NRG3: variants seen among roughly 807,000 people sequenced by gnomAD.
The protein encoded by NRG3 is neuregulin 3, also known as pro-neuregulin-3, membrane-bound isoform.
In NRG3, 31 loss-of-function variants were observed where a neutral mutation model predicts 66.9. The observed-to-expected ratio is 0.46, with a 90% CI of 0.35 to 0.63. The LOEUF is 0.63. NRG3 is among the 20% of genes least tolerant of loss of function. The probability of loss-of-function intolerance (pLI) is 0.00; values close to 1 mark genes in which losing one functional copy is unlikely to be tolerated. For missense variants in NRG3, 910 were observed against 878.9 expected, an observed-to-expected ratio of 1.04 and a Z score of -0.45; for synonymous variants, 393 against 359.4, an observed-to-expected ratio of 1.09 and a Z score of -1.06.
rs757435768 is a variant in NRG3 at position 82,979,044 on chromosome 10, G to T, written c.1507G>T (p.Gly503Cys). The change falls in exon 8 of 9, where the codon GGT (glycine) becomes TGT (cysteine). Residue 503 changes from glycine (G) to cysteine (C), a missense_variant. Physicochemically the swap from Gly to Cys is radical, Grantham distance 159. Coordinates refer to ENST00000372141, the MANE Select transcript of NRG3 (RefSeq NM_001010848.4). Reference sequence around the variant, plus strand: ...ACCCCCGTCACCCCGAAGTAGGCTAGGTGGAATTGTGGGACCAGCATATCA... The same window carrying T: ...ACCCCCGTCACCCCGAAGTAGGCTATGTGGAATTGTGGGACCAGCATATCA... ...RTPPSPRSRL[G>C]GIVGPAYQQL... 3.1e-6 allele frequency: 5 copies of T among 1,614,124 alleles called. No individual in the cohort carries two copies. The highest frequency in any genetic ancestry group is 4.2e-6 in the Non-Finnish European group (5 of 1,179,990).
intron 1 of NRG3, among the ~76,000 whole-genome samples, chr10:82,159,171 G>T (rs1237843506): frequency 6.6e-6 from 1 of 152,010 alleles, no homozygotes; most frequent in South Asian, 2.1e-4. Flanking sequence ...AAGTAACATT[G>T]CTGATTGCAT....
chr10:81,959,606 C>T (rs1343018486), intron 1 of NRG3, among the ~76,000 whole-genome samples: 1 of 151,882 alleles, frequency 6.6e-6, no homozygotes, highest in African/African-American at 2.4e-5. Context: ...TTTTATTTTT[C>T]CTGATGTGGT....
chr10:82,523,444 G>T (rs1428648563), intron 2 of NRG3, among the ~76,000 whole-genome samples: 1 of 151,354 alleles, frequency 6.6e-6, no homozygotes, highest in Non-Finnish European at 1.5e-5. Context: ...TTTTGATTAT[G>T]GTTTTGATTT....
intron 1 of NRG3, among the ~76,000 whole-genome samples, chr10:81,950,982 A>T (rs1183849750): frequency 6.6e-6 from 1 of 152,156 alleles, no homozygotes; most frequent in African/African-American, 2.4e-5. Flanking sequence ...AATGCTATTT[A>T]TGCTTGTTAC....
chr10:82,150,424 C>T (rs1370082707), intron 1 of NRG3, among the ~76,000 whole-genome samples: 2 of 151,454 alleles, frequency 1.3e-5, no homozygotes, highest in East Asian at 1.9e-4. Flanking sequence ...CAACTCCGCC[C>T]AATCCCCACC....
intron 2 of NRG3, among the ~76,000 whole-genome samples, chr10:82,518,844 C>T (rs1002101791): frequency 2.0e-5 from 3 of 152,082 alleles, no homozygotes; most frequent in African/African-American, 7.2e-5. Flanking sequence ...TAGATGACAC[C>T]TGATACTAAA....
intron 3 of NRG3, among the ~76,000 whole-genome samples, chr10:82,771,152 A>AT (rs1402945230): frequency 2.6e-5 from 4 of 152,166 alleles, no homozygotes; most frequent in Non-Finnish European, 5.9e-5. Flanking sequence ...ACATTCTGGT[A>AT]TAAATTTGTT....
At chr10:82,298,164 G>A (rs768817820) in intron 1 of NRG3, among the ~76,000 whole-genome samples, 7 of 146,198 alleles carry the variant, frequency 4.8e-5, no homozygotes, top group Non-Finnish European at 1.1e-4. Flanking sequence ...GAAAGAAAGA[G>A]AGAGGGAGAG....
chr10:82,757,298 A>G (rs1162421409), intron 3 of NRG3, among the ~76,000 whole-genome samples: 1 of 152,094 alleles, frequency 6.6e-6, no homozygotes, highest in Admixed American at 6.6e-5. Context: ...GAGACACTTT[A>G]CCACTTTTTG....
intron 1 of NRG3, among the ~76,000 whole-genome samples, chr10:82,045,121 A>G (rs1234975505): frequency 7.3e-6 from 1 of 137,846 alleles, no homozygotes; most frequent in Admixed American, 7.6e-5. Context: ...TTCTAGTTCT[A>G]GATCCCTGAG....
chr10:82,094,289 T>C (rs1363418792), intron 1 of NRG3, among the ~76,000 whole-genome samples: 1 of 152,196 alleles, frequency 6.6e-6, no homozygotes, highest in Non-Finnish European at 1.5e-5. Flanking sequence ...AAAACCATCA[T>C]GAGACACTGT....
intron 1 of NRG3, among the ~76,000 whole-genome samples, chr10:81,994,721 A>AT (rs1253684328): frequency 6.6e-6 from 1 of 151,820 alleles, no homozygotes; most frequent in Admixed American, 6.6e-5. Context: ...CATTTTCATT[A>AT]TTTTTTGGTG....
chr10:82,805,137 G>A (rs988265312), intron 3 of NRG3, among the ~76,000 whole-genome samples: 1 of 152,184 alleles, frequency 6.6e-6, no homozygotes, highest in African/African-American at 2.4e-5. Context: ...GAAGAGGCTG[G>A]AGGTTCTGAA....
intron 1 of NRG3, among the ~76,000 whole-genome samples, chr10:82,155,592 A>G (rs564750088): frequency 3.2e-4 from 49 of 151,904 alleles, no homozygotes; most frequent in African/African-American, 1.2e-3. Context: ...CTTAATGCCA[A>G]CATGTACCTG....
intron 3 of NRG3, among the ~76,000 whole-genome samples, chr10:82,846,991 A>T (rs1446221257): frequency 6.6e-6 from 1 of 152,222 alleles, no homozygotes; most frequent in African/African-American, 2.4e-5. Context: ...TGTGGGAAGT[A>T]CAGAGGTGTA....
intron 1 of NRG3, among the ~76,000 whole-genome samples, chr10:82,270,806 G>T (rs768627799): frequency 6.6e-6 from 1 of 152,088 alleles, no homozygotes; most frequent in African/African-American, 2.4e-5. Flanking sequence ...TAAATGCATG[G>T]ATGCATCTGT....
At chr10:82,269,028 A>C (rs1314808710) in intron 1 of NRG3, among the ~76,000 whole-genome samples, 3 of 152,146 alleles carry the variant, frequency 2.0e-5, no homozygotes, top group African/African-American at 7.2e-5. Flanking sequence ...ACTCCTTTGC[A>C]ATGCACTTTC....
chr10:82,455,890 G>A (rs1001972045), intron 2 of NRG3, among the ~76,000 whole-genome samples: 4 of 152,140 alleles, frequency 2.6e-5, no homozygotes, highest in South Asian at 2.1e-4. Flanking sequence ...AGTGCTGGGA[G>A]TACAGGCGTG....
intron 1 of NRG3, among the ~76,000 whole-genome samples, chr10:82,032,612 T>C (rs1458148294): frequency 6.6e-6 from 1 of 152,090 alleles, no homozygotes; most frequent in African/African-American, 2.4e-5. Flanking sequence ...CATATTGAAA[T>C]CATATTTGAC....
Sources: gnomAD v4.1 joint callset for allele counts (sites outside exome capture counted in the v4.1 genomes callset) on GRCh38, gnomAD v4.1.1 for gene constraint, MANE v1.5 for transcripts, NCBI Gene and HGNC (gene_info 2026-07-23, HGNC 2026-07-21) for gene names.